SYNJ2BP: variants seen among roughly 807,000 people sequenced by gnomAD.
The protein encoded by SYNJ2BP is synaptojanin 2 binding protein.
SYNJ2BP carries 10 observed loss-of-function variants against 16.9 expected under a neutral mutation model. That is an observed-to-expected ratio of 0.59 (90% CI 0.36 to 1.00). The LOEUF is 1.00. SYNJ2BP is among the 50% of genes least tolerant of loss of function. The pLI is 0.01. For missense variants in SYNJ2BP, 162 were observed against 186.7 expected (o/e 0.87, Z 0.77); for synonymous variants, 54 against 68.4 (o/e 0.79, Z 1.04).
At chr14:70,408,869 T>C (rs1183927760) in intron 1 of SYNJ2BP, among the ~76,000 whole-genome samples, 2 of 152,080 alleles carry the variant, frequency 1.3e-5, no homozygotes, top group African/African-American at 4.8e-5. Context: ...AGTCTCGCTG[T>C]ATCGCCCAGG....
At chr14:70,373,465 T>C (rs1014918006) in intron 3 of SYNJ2BP, among the ~76,000 whole-genome samples, 2 of 152,190 alleles carry the variant, frequency 1.3e-5, no homozygotes, top group East Asian at 1.9e-4. Flanking sequence ...ATAAAACCTA[T>C]GATCTTATAG....
chr14:70,382,165 G>C (rs1032367229), intron 2 of SYNJ2BP, among the ~76,000 whole-genome samples: 1 of 152,202 alleles, frequency 6.6e-6, no homozygotes, highest in African/African-American at 2.4e-5. Flanking sequence ...GAACCCGGGA[G>C]GCAGAGCTTG....
In SYNJ2BP at chr14:70,368,612, C is replaced by T. The variant is rs1186625962; in HGVS notation, c.*4379G>A. 1 of 152,192 alleles carries T rather than the reference C, an allele frequency of 6.6e-6. No individual in the cohort carries two copies. Among genetic ancestry groups the T allele is most frequent in the Non-Finnish European group, 1.5e-5 (1 of 68,044 alleles). 9.4% of individuals were successfully genotyped at this position (152,192 alleles called of 1,614,324 possible). On this transcript the variant is annotated 3_prime_UTR_variant, in exon 4 of 4. Coordinates refer to ENST00000256366, the MANE Select transcript of SYNJ2BP (RefSeq NM_018373.3). ...ACATTTTGCTGGAGGTTGATCAATCCTTAGCAAATCAGGAAGAAATGAATG... is the reference window on the plus strand; with the variant it reads ...ACATTTTGCTGGAGGTTGATCAATCTTTAGCAAATCAGGAAGAAATGAATG...
Position 70,372,935 on chromosome 14 carries a change from G to T in SYNJ2BP, c.*56C>A. The T allele has an allele frequency of 6.2e-7, 1 of 1,603,324 alleles. No homozygotes were observed. The highest frequency in any genetic ancestry group is 8.5e-7 in the Non-Finnish European group (1 of 1,175,958). ...GGGAAAGACATGGCAGAATAGCAGG[G>T]GTGGAGGGTGAGTGAAATGTATCTT... is the stretch of plus-strand genomic sequence containing the variant. On this transcript the variant is annotated 3_prime_UTR_variant, in exon 4 of 4. Transcript: ENST00000256366.
At chr14:70,411,197 G>A (rs1432081071) in intron 1 of SYNJ2BP, among the ~76,000 whole-genome samples, 1 of 152,154 alleles carries the variant, frequency 6.6e-6, no homozygotes, top group Non-Finnish European at 1.5e-5. Context: ...GTTGTATAAT[G>A]CAGAAGTCAA....
intron 1 of SYNJ2BP, among the ~76,000 whole-genome samples, chr14:70,410,534 C>T (rs1196457286): frequency 6.6e-6 from 1 of 152,054 alleles, no homozygotes; most frequent in African/African-American, 2.4e-5. Context: ...CTAGACAAAG[C>T]ATTAAAAAAA....
intron 2 of SYNJ2BP, among the ~76,000 whole-genome samples, chr14:70,387,087 C>T (rs1887876393): frequency 6.6e-6 from 1 of 152,134 alleles, no homozygotes; most frequent in African/African-American, 2.4e-5. Flanking sequence ...ATTTCAATTT[C>T]CTTTTATTTA....
chr14:70,406,509 C>T (rs1364571804), intron 1 of SYNJ2BP, among the ~76,000 whole-genome samples: 2 of 152,182 alleles, frequency 1.3e-5, no homozygotes, highest in Non-Finnish European at 2.9e-5. Flanking sequence ...ACAAATTAGC[C>T]ACAAGATTAG....
chr14:70,412,680 A>G (rs1028209516), intron 1 of SYNJ2BP, among the ~76,000 whole-genome samples: 7 of 151,454 alleles, frequency 4.6e-5, no homozygotes, highest in Non-Finnish European at 2.9e-5. Context: ...TTCATTATTA[A>G]AACACTGCCA....
At chr14:70,403,836 T>C (rs1226450117) in intron 1 of SYNJ2BP, among the ~76,000 whole-genome samples, 1 of 152,188 alleles carries the variant, frequency 6.6e-6, no homozygotes, top group Non-Finnish European at 1.5e-5. Flanking sequence ...CCAAGAACCC[T>C]CTCTTCGGGT....
intron 2 of SYNJ2BP, 85 bp downstream of exon 2, chr14:70,388,385 C>G: frequency 7.2e-7 from 1 of 1,391,540 alleles, no homozygotes; most frequent in Non-Finnish European, 9.4e-7. Context: ...AGATCCAAAT[C>G]TTTTCAAGGA....
At chr14:70,408,221 C>A (rs1305451114) in intron 1 of SYNJ2BP, among the ~76,000 whole-genome samples, 1 of 151,776 alleles carries the variant, frequency 6.6e-6, no homozygotes, top group African/African-American at 2.4e-5. Context: ...AAATTACTGA[C>A]ACAGCTTACC....
chr14:70,399,278 C>T lies in SYNJ2BP; in HGVS notation c.65-10672G>A, dbSNP rs1393012201. Among the ~76,000 whole-genome samples, 7 of 152,358 alleles carry T rather than the reference C, an allele frequency of 4.6e-5. 1 individual carries two copies. The highest frequency in any genetic ancestry group is 3.4e-3 in the Middle Eastern group (1 of 294). On this transcript the variant is annotated intron_variant, in intron 1 of 3. Transcript: ENST00000256366. ...GGCCCCTCTCTGCTCGACCACACTG[C>T]TCACCTGCTGGCGCCCATCTCGGCC...
At chr14:70,405,938 C>A (rs1292908039) in intron 1 of SYNJ2BP, among the ~76,000 whole-genome samples, 1 of 152,198 alleles carries the variant, frequency 6.6e-6, no homozygotes, top group African/African-American at 2.4e-5. Context: ...TTTCAATTAT[C>A]ACCTTGACTT....
intron 1 of SYNJ2BP, among the ~76,000 whole-genome samples, chr14:70,411,572 A>T (rs1169064899): frequency 1.2e-4 from 18 of 152,204 alleles, no homozygotes. Flanking sequence ...CCTTCTGTCC[A>T]GGCTGGTTTA....
At chr14:70,413,265 C>G (rs1566626688) in intron 1 of SYNJ2BP, among the ~76,000 whole-genome samples, 2 of 152,344 alleles carry the variant, frequency 1.3e-5, no homozygotes, top group Admixed American at 1.3e-4. Flanking sequence ...TCCCTTCTTA[C>G]AGTTGAGAAA....
At chr14:70,399,252 C>G (rs772597769) in intron 1 of SYNJ2BP, among the ~76,000 whole-genome samples, 1 of 152,206 alleles carries the variant, frequency 6.6e-6, no homozygotes, top group African/African-American at 2.4e-5. Context: ...CCTGGCCTCA[C>G]GGCCCCTCTC....
intron 2 of SYNJ2BP, among the ~76,000 whole-genome samples, chr14:70,377,371 T>C (rs373854650): frequency 6.6e-6 from 1 of 152,152 alleles, no homozygotes; most frequent in South Asian, 2.1e-4. Flanking sequence ...AAAGGTATAT[T>C]CTCATTCTCC....
rs548667137 is a variant in SYNJ2BP at position 70,367,603 on chromosome 14, T to C, written c.*5388A>G. The stretch of plus-strand genomic sequence containing the variant: ...AAAAAAAAAAGAAAAGAAAAGAATC[T>C]GGTTCTGATCAGAATCCTTAAAATA... On this transcript the variant is annotated 3_prime_UTR_variant, in exon 4 of 4. Transcript: ENST00000256366. The C allele has an allele frequency of 6.7e-6, 1 of 148,982 alleles. No homozygotes were observed. Among genetic ancestry groups the C allele is most frequent in the East Asian group, 2.0e-4 (1 of 5,086 alleles). The allele number at this position is 148,982 out of a possible 1,614,324, so 9.2% of individuals were successfully genotyped here.
Sources: allele counts gnomAD v4.1 joint callset (sites outside exome capture counted in the v4.1 genomes callset), GRCh38; gene constraint gnomAD v4.1.1; transcripts MANE v1.5; gene names NCBI Gene and HGNC (gene_info 2026-07-23, HGNC 2026-07-21).